LTBP1: variants seen among roughly 807,000 people sequenced by gnomAD.
LTBP1 encodes the protein latent-transforming growth factor beta-binding protein 1.
Under a neutral mutation model 207.6 loss-of-function variants are expected in LTBP1, and 129 were observed. The observed-to-expected ratio is 0.62, with a 90% CI of 0.54 to 0.72. LTBP1 has a LOEUF of 0.72. Ranked by LOEUF, LTBP1 falls within the 30% of genes least tolerant of loss-of-function variation. The probability of loss-of-function intolerance (pLI) is 0.00; values close to 1 mark genes in which losing one functional copy is unlikely to be tolerated. For synonymous variants in LTBP1, 963 were observed against 833.7 expected (o/e 1.16, Z -2.67); for missense variants, 2,281 against 2,217.2 (o/e 1.03, Z -0.58).
At chr2:33,246,505 A>C (rs1222214810) in intron 10 of LTBP1, among the ~76,000 whole-genome samples, 1 of 147,616 alleles carries the variant, frequency 6.8e-6, no homozygotes, top group Non-Finnish European at 1.5e-5. Context: ...AGACACACAC[A>C]CAGGCACTCA....
intron 3 of LTBP1, among the ~76,000 whole-genome samples, chr2:33,060,819 G>A (rs62133282): frequency 0.071 from 10,825 of 152,010 alleles, 441 homozygotes; most frequent in South Asian, 0.14. Context: ...CAAGGTTTAT[G>A]TTTTTAAAAA....
intron 3 of LTBP1, among the ~76,000 whole-genome samples, chr2:33,093,393 G>A (rs914610153): frequency 1.2e-4 from 18 of 151,542 alleles, no homozygotes; most frequent in African/African-American, 3.6e-4. Flanking sequence ...TTTATTTACC[G>A]CCTGGTGGAA....
At chr2:33,365,625 C>CTG in intron 31 of LTBP1, 122 bp downstream of exon 31, 2 of 795,848 alleles carry the variant, frequency 2.5e-6, no homozygotes, top group Non-Finnish European at 3.7e-6. Flanking sequence ...TACTTTCATC[C>CTG]CGTGTGTGTG....
At chr2:33,139,876 A>C (rs962651524) in intron 5 of LTBP1, among the ~76,000 whole-genome samples, 10 of 152,208 alleles carry the variant, frequency 6.6e-5, no homozygotes, top group Admixed American at 4.6e-4. Flanking sequence ...CAGGTTGGGA[A>C]GGCAGATTGG....
At chr2:33,361,796 T>A (rs542384522) in intron 28 of LTBP1, among the ~76,000 whole-genome samples, 23 of 152,314 alleles carry the variant, frequency 1.5e-4, no homozygotes, top group African/African-American at 5.3e-4. Flanking sequence ...GATTAAGATA[T>A]ATATCTGAAA....
intron 25 of LTBP1, 122 bp downstream of exon 25, chr2:33,343,085 C>A: frequency 8.3e-7 from 1 of 1,199,952 alleles, no homozygotes; most frequent in Non-Finnish European, 1.1e-6. Flanking sequence ...TTGATTTTGT[C>A]ATACAATTTG....
At chr2:33,319,320 C>T (rs1350520084) in intron 24 of LTBP1, among the ~76,000 whole-genome samples, 1 of 152,034 alleles carries the variant, frequency 6.6e-6, no homozygotes, top group Non-Finnish European at 1.5e-5. Flanking sequence ...ATCACTTGTA[C>T]CCAGGAGGCA....
In LTBP1 at chr2:33,257,228, G is replaced by A. The variant is rs1433751113; in HGVS notation, c.2168-56G>A. 4 of 1,312,034 alleles carry A rather than the reference G, an allele frequency of 3.0e-6. No homozygotes were observed. In the South Asian group the frequency reaches 3.6e-5, roughly 12 times the overall value. 81.3% of individuals were successfully genotyped at this position (1,312,034 alleles called of 1,614,324 possible). A position where few individuals can be genotyped will look rare whatever the true frequency, so the allele number is the denominator to read the frequency against. ...GCTATTCATCATGATATTTTCCTCT[G>A]TATAAGTTTGCACTGTTAGATTTTT... On this transcript the variant is annotated intron_variant, in intron 11 of 33. Transcript: ENST00000404816.
At chr2:33,352,927 A>G (rs1267280440) in intron 26 of LTBP1, among the ~76,000 whole-genome samples, 1 of 145,690 alleles carries the variant, frequency 6.9e-6, no homozygotes, top group East Asian at 2.0e-4. Flanking sequence ...CTTTGCCACT[A>G]CTAACTCTTC....
intron 2 of LTBP1, among the ~76,000 whole-genome samples, chr2:32,957,852 T>G (rs1461798422): frequency 6.6e-6 from 1 of 152,214 alleles, no homozygotes; most frequent in Non-Finnish European, 1.5e-5. Context: ...TGTTAATTTT[T>G]CCTGCCTGTT....
At chr2:33,183,972 T>C (rs2086921143) in intron 5 of LTBP1, among the ~76,000 whole-genome samples, 1 of 152,078 alleles carries the variant, frequency 6.6e-6, no homozygotes. Flanking sequence ...TCCAACTCTC[T>C]CCTCCCTCCT....
At chr2:33,186,273 T>G (rs571836326) in intron 5 of LTBP1, among the ~76,000 whole-genome samples, 1 of 152,360 alleles carries the variant, frequency 6.6e-6, no homozygotes, top group South Asian at 2.1e-4. Context: ...TTAATTTTTG[T>G]GAGTACATAG....
In LTBP1 at chr2:33,389,276, C is replaced by T; in HGVS notation, c.4804C>T (p.Pro1602Ser). 1 of 1,614,192 alleles carries T rather than the reference C, an allele frequency of 6.2e-7. No homozygotes were observed. The highest frequency in any genetic ancestry group is 1.1e-5 in the South Asian group (1 of 91,078). The change falls in exon 32 of 34, where the codon CCA becomes TCA. Residue 1602 changes from proline to serine, a missense_variant. Physicochemically the swap from Pro to Ser is moderately conservative, Grantham distance 74. Coordinates refer to ENST00000404816, the MANE Select transcript of LTBP1 (RefSeq NM_206943.4). ...GGTTGACTTCAGTGAACAGTATACTCCAGAAGCCGATCCCTACTTCATCCA... is the reference window on the plus strand; with the variant it reads ...GGTTGACTTCAGTGAACAGTATACTTCAGAAGCCGATCCCTACTTCATCCA... ...ALVDFSEQYT[P>S]EADPYFIQDR...
In LTBP1 at chr2:33,010,421, A is replaced by G. The variant is rs553256056; in HGVS notation, c.566-10488A>G. On this transcript the variant is annotated intron_variant, in intron 2 of 33. Coordinates refer to ENST00000404816, the MANE Select transcript of LTBP1 (RefSeq NM_206943.4). ...AATTGGTTAATGAGCACAAACATACAGTTAGATAGAAGAAAGAAATTCTGA... is the reference window on the plus strand; with the variant it reads ...AATTGGTTAATGAGCACAAACATACGGTTAGATAGAAGAAAGAAATTCTGA... Among the ~76,000 whole-genome samples, 12 of 152,326 alleles carry G rather than the reference A, an allele frequency of 7.9e-5. No homozygotes were observed. In the South Asian group the frequency reaches 2.3e-3, roughly 29 times the overall value.
intron 26 of LTBP1, among the ~76,000 whole-genome samples, chr2:33,357,798 T>C (rs1010860268): frequency 6.6e-6 from 1 of 152,232 alleles, no homozygotes; most frequent in Non-Finnish European, 1.5e-5. Flanking sequence ...GCATGAGATA[T>C]GTAGTACAGC....
At chr2:33,374,951 C>T (rs1185860219) in intron 31 of LTBP1, among the ~76,000 whole-genome samples, 1 of 151,364 alleles carries the variant, frequency 6.6e-6, no homozygotes, top group African/African-American at 2.4e-5. Context: ...GACTCCTTCC[C>T]AAAAAAGAAA....
intron 19 of LTBP1, among the ~76,000 whole-genome samples, chr2:33,282,784 G>A (rs1573602044): frequency 6.6e-6 from 1 of 152,060 alleles, no homozygotes; most frequent in Admixed American, 6.6e-5. Context: ...ACTAAAATAG[G>A]CCAGGCACGG....
At chr2:33,304,904 A>C (rs1461900975) in intron 22 of LTBP1, among the ~76,000 whole-genome samples, 1 of 152,238 alleles carries the variant, frequency 6.6e-6, no homozygotes, top group Non-Finnish European at 1.5e-5. Flanking sequence ...GTATTTGTTC[A>C]AATATTTATT....
At chr2:33,120,858 A>G (rs1314558492) in intron 4 of LTBP1, among the ~76,000 whole-genome samples, 1 of 152,192 alleles carries the variant, frequency 6.6e-6, no homozygotes, top group East Asian at 1.9e-4. Flanking sequence ...GCAATTAAAC[A>G]TCATCTTTAT....
Sources: allele counts gnomAD v4.1 joint callset (sites outside exome capture counted in the v4.1 genomes callset), GRCh38; gene constraint gnomAD v4.1.1; transcripts MANE v1.5; gene names NCBI Gene and HGNC (gene_info 2026-07-23, HGNC 2026-07-21).